Variants in CPA6 observed in about 807,000 individuals in gnomAD.
CPA6 encodes carboxypeptidase B.
A neutral mutation model predicts 63.3 loss-of-function variants in CPA6; 58 were observed. That is an observed-to-expected ratio of 0.92 (90% CI 0.74 to 1.14). The LOEUF is 1.14. CPA6 is among the 50% of genes most tolerant of loss of function. The probability of loss-of-function intolerance (pLI) is 0.00; values close to 1 mark genes in which losing one functional copy is unlikely to be tolerated. For synonymous variants in CPA6, 185 were observed against 179.0 expected, an observed-to-expected ratio of 1.03 and a Z score of -0.27; for missense variants, 565 against 526.6, an observed-to-expected ratio of 1.07 and a Z score of -0.71.
intron 8 of CPA6, among the ~76,000 whole-genome samples, chr8:67,449,810 CT>C (rs35803454): frequency 0.024 from 2,929 of 124,248 alleles, 81 homozygotes; most frequent in African/African-American, 0.082. Context: ...CAAGCCATCT[CT>C]TTTTTTTTTT....
At chr8:67,443,346 C>T (rs1563954841) in intron 8 of CPA6, among the ~76,000 whole-genome samples, 1 of 152,190 alleles carries the variant, frequency 6.6e-6, no homozygotes, top group Admixed American at 6.5e-5. Context: ...AGGCATGAGC[C>T]ACTGCTCCCG....
chr8:67,558,657 T>C (rs535906195), intron 2 of CPA6, among the ~76,000 whole-genome samples: 1 of 152,336 alleles, frequency 6.6e-6, no homozygotes, highest in African/African-American at 2.4e-5. Context: ...GAAAAGGGTT[T>C]GGCAGCAAGA....
chr8:67,500,148 T>C (rs1405337966), intron 6 of CPA6, among the ~76,000 whole-genome samples: 1 of 152,184 alleles, frequency 6.6e-6, no homozygotes. Context: ...GCATCCTCCC[T>C]GGCATTTGTT....
intron 8 of CPA6, among the ~76,000 whole-genome samples, chr8:67,454,924 T>C (rs183481344): frequency 0.013 from 2,042 of 152,208 alleles, 13 homozygotes; most frequent in Middle Eastern, 0.024. Context: ...AATCGTAAAG[T>C]GTGCAGTGCA....
chr8:67,738,082 G>T (rs143376091), intron 1 of CPA6, among the ~76,000 whole-genome samples: 1 of 152,098 alleles, frequency 6.6e-6, no homozygotes, highest in African/African-American at 2.4e-5. Context: ...TCCATTTGGA[G>T]ATATTGTTAT....
At chr8:67,620,611 CT>C (rs1815057653) in intron 2 of CPA6, among the ~76,000 whole-genome samples, 1 of 152,182 alleles carries the variant, frequency 6.6e-6, no homozygotes, top group Non-Finnish European at 1.5e-5. Flanking sequence ...CGGTCATATT[CT>C]TTTTTCTCTG....
intron 1 of CPA6, among the ~76,000 whole-genome samples, chr8:67,643,400 C>G (rs933592638): frequency 6.6e-6 from 1 of 152,212 alleles, no homozygotes; most frequent in African/African-American, 2.4e-5. Flanking sequence ...AGATGAACCA[C>G]AGATATCATA....
chr8:67,488,711 T>C (rs1038713235), intron 6 of CPA6, among the ~76,000 whole-genome samples: 1 of 152,250 alleles, frequency 6.6e-6, no homozygotes, highest in Non-Finnish European at 1.5e-5. Context: ...CATTTGTTTG[T>C]GTCCTCTTTT....
intron 10 of CPA6, among the ~76,000 whole-genome samples, chr8:67,426,735 T>C (rs1013096636): frequency 6.6e-6 from 1 of 152,206 alleles, no homozygotes; most frequent in Non-Finnish European, 1.5e-5. Context: ...CCTACACATA[T>C]ACATACAACA....
In CPA6 at chr8:67,530,119, G is replaced by C. The variant is rs368085422; in HGVS notation, c.193-12072C>G. On this transcript the variant is annotated intron_variant, in intron 2 of 10. Transcript: ENST00000297770. ...GAATGCTTTAATAAAGGAACAATTA[G>C]AAAATTTAAAAGAGCAGAAATTTAA... Among the ~76,000 whole-genome samples the C allele has an allele frequency of 2.6e-5, 4 of 151,294 alleles. No individual in the cohort carries two copies. The East Asian group carries it at 7.8e-4, about 29-fold the overall frequency.
intron 2 of CPA6, among the ~76,000 whole-genome samples, chr8:67,589,127 A>C (rs984046386): frequency 1.3e-5 from 2 of 151,364 alleles, no homozygotes; most frequent in African/African-American, 4.9e-5. Context: ...AAAAAAAAAA[A>C]GATTGATGTT....
chr8:67,693,578 A>C (rs925515896), intron 1 of CPA6, among the ~76,000 whole-genome samples: 1 of 152,234 alleles, frequency 6.6e-6, no homozygotes, highest in African/African-American at 2.4e-5. Flanking sequence ...ATTAGGTTGT[A>C]AAGGCAGAGG....
intron 1 of CPA6, among the ~76,000 whole-genome samples, chr8:67,731,024 G>A (rs1817696058): frequency 6.6e-6 from 1 of 152,212 alleles, no homozygotes; most frequent in South Asian, 2.1e-4. Flanking sequence ...TGACCATGCT[G>A]ATTTTGCATC....
At chr8:67,730,446 C>A (rs1817684981) in intron 1 of CPA6, among the ~76,000 whole-genome samples, 2 of 152,150 alleles carry the variant, frequency 1.3e-5, no homozygotes, top group African/African-American at 4.8e-5. Context: ...CTCTCTGAAT[C>A]CTGTCCTTTT....
intron 8 of CPA6, among the ~76,000 whole-genome samples, chr8:67,461,551 C>T (rs1406851879): frequency 1.6e-4 from 25 of 152,354 alleles, no homozygotes; most frequent in East Asian, 3.9e-4. Context: ...ATTGTCATCC[C>T]GGCCCGTTCT....
Position 67,487,546 on chromosome 8 carries a change from T to C in CPA6, c.637-2757A>G, listed in dbSNP as rs147121543. 1.8e-3 allele frequency among the ~76,000 whole-genome samples: 275 copies of C among 152,348 alleles called. 1 individual carries two copies. The highest frequency in any genetic ancestry group is 2.9e-3 in the Non-Finnish European group (197 of 68,028). ...CATGTGTCTTTATAGTAGCATGATT[T>C]ATAATCCTTTGGTTATATACCCAGT... On this transcript the variant is annotated intron_variant, in intron 6 of 10. Coordinates refer to ENST00000297770, the MANE Select transcript of CPA6 (RefSeq NM_020361.5).
intron 2 of CPA6, among the ~76,000 whole-genome samples, chr8:67,534,126 G>A (rs1197271664): frequency 2.0e-5 from 3 of 152,240 alleles, no homozygotes; most frequent in Non-Finnish European, 2.9e-5. Context: ...ATGGAAAGCT[G>A]CCAATGACAT....
At chr8:67,457,647 T>G (rs1810705729) in intron 8 of CPA6, among the ~76,000 whole-genome samples, 1 of 152,068 alleles carries the variant, frequency 6.6e-6, no homozygotes, top group African/African-American at 2.4e-5. Flanking sequence ...CATCTTGCTG[T>G]CAGAGCACTT....
rs566100570 is a variant in CPA6 at position 67,537,121 on chromosome 8, A to G, written c.193-19074T>C. 2.7e-4 allele frequency among the ~76,000 whole-genome samples: 41 copies of G among 152,280 alleles called. No individual in the cohort carries two copies. The South Asian group carries it at 8.1e-3, about 30-fold the overall frequency. On this transcript the variant is annotated intron_variant, in intron 2 of 10. Transcript: ENST00000297770. Reference sequence around the variant, plus strand: ...CCTGTATTTTATTGAGGATTTTCACATCGATGTTCATCAGGGATATTGACC... The same window carrying G: ...CCTGTATTTTATTGAGGATTTTCACGTCGATGTTCATCAGGGATATTGACC...
Sources: allele counts gnomAD v4.1 joint callset (sites outside exome capture counted in the v4.1 genomes callset), GRCh38; gene constraint gnomAD v4.1.1; transcripts MANE v1.5; gene names NCBI Gene and HGNC (gene_info 2026-07-23, HGNC 2026-07-21).